RAC2: variants seen among roughly 807,000 people sequenced by gnomAD.
The protein encoded by RAC2 is Rac family small GTPase 2, also known as ras-related C3 botulinum toxin substrate 2.
A neutral mutation model predicts 24.0 loss-of-function variants in RAC2; 1 was observed. That is an observed-to-expected ratio of 0.04 (90% CI 0.01 to 0.20). RAC2 has a LOEUF of 0.20. Among genes scored for constraint, RAC2 ranks in the 10% least tolerant of loss-of-function variants. The pLI is 1.00. For missense variants in RAC2, 130 were observed against 259.1 expected (o/e 0.50, Z 3.42); for synonymous variants, 114 against 106.8 (o/e 1.07, Z -0.41).
intron 1 of RAC2, among the ~76,000 whole-genome samples, chr22:37,243,173 A>AT (rs1231838193): frequency 1.3e-5 from 2 of 152,034 alleles, no homozygotes; most frequent in Non-Finnish European, 2.9e-5. Context: ...GCTTAAAAAA[A>AT]TTTTTTTATA....
chr22:37,240,425 T>TAATAGCCATCTCCC (rs1927352978), intron 2 of RAC2, among the ~76,000 whole-genome samples: 1 of 152,240 alleles, frequency 6.6e-6, no homozygotes, highest in Admixed American at 6.5e-5. Context: ...CTGTGCATGC[T>TAATAGCCATCTCCC]AATAGCCATC....
chr22:37,231,465 AG>A lies in RAC2; in HGVS notation c.289-76del, dbSNP rs761139540. 12 of 1,435,242 alleles carry A rather than the reference AG, an allele frequency of 8.4e-6. No individual in the cohort carries two copies. The highest frequency in any genetic ancestry group is 1.2e-5 in the Non-Finnish European group (12 of 1,026,840). 88.9% of individuals were successfully genotyped at this position (1,435,242 alleles called of 1,614,324 possible). A position where few individuals can be genotyped will look rare whatever the true frequency, so the allele number is the denominator to read the frequency against. ...GCGAGGCTGTGCGGGGATCAGAGGGAGTGTGAGGGTGTAGGGAGAGGAGAGG... is the reference window on the plus strand; with the variant it reads ...GCGAGGCTGTGCGGGGATCAGAGGGATGTGAGGGTGTAGGGAGAGGAGAGG... On this transcript the variant is annotated intron_variant, in intron 4 of 6. Transcript: ENST00000249071. This position sits in a 1 kb window ranked among gnomAD's most constrained non-coding sequence, Gnocchi z 5.5.
intron 5 of RAC2, among the ~76,000 whole-genome samples, chr22:37,227,799 TA>T (rs748346151): frequency 6.6e-6 from 1 of 151,764 alleles, no homozygotes; most frequent in Admixed American, 6.5e-5. Context: ...GCAAGGAGTT[TA>T]ACGTCACCGT....
At chr22:37,233,108 A>T (rs1482145611) in intron 2 of RAC2, among the ~76,000 whole-genome samples, 190 bp from the exon 3 acceptor site, 1 of 152,206 alleles carries the variant, frequency 6.6e-6, no homozygotes, top group Non-Finnish European at 1.5e-5. Context: ...TTTTTTAAAA[A>T]TGTAATACAA....
chr22:37,237,600 G>A (rs146048269), intron 2 of RAC2, among the ~76,000 whole-genome samples: 36 of 152,226 alleles, frequency 2.4e-4, no homozygotes, highest in South Asian at 1.0e-3. Context: ...GGCTGGATTC[G>A]CCAGTTTACC....
intron 2 of RAC2, among the ~76,000 whole-genome samples, chr22:37,235,041 A>C (rs1184114893): frequency 6.6e-6 from 1 of 152,104 alleles, no homozygotes; most frequent in Non-Finnish European, 1.5e-5. Flanking sequence ...ATGCCTGCTT[A>C]TTCTCCACAG....
chr22:37,243,412 G>A (rs1283107591), intron 1 of RAC2, among the ~76,000 whole-genome samples: 3 of 151,916 alleles, frequency 2.0e-5, no homozygotes, highest in Non-Finnish European at 4.4e-5. Flanking sequence ...CCCCTCCCCT[G>A]CCGACCCCAC....
Position 37,231,977 on chromosome 22 carries a change from G to A in RAC2, c.243C>T (p.Cys81=), listed in dbSNP as rs1380331398. 12 of 1,551,650 alleles carry A rather than the reference G, an allele frequency of 7.7e-6. No homozygotes were observed. The highest frequency in any genetic ancestry group is 2.0e-5 in the Admixed American group (1 of 51,048). Residue 81 remains cysteine, a synonymous_variant, in exon 4 of 7, where the codon TGC becomes TGT. Transcript: ENST00000249071. This position sits in a 1 kb window ranked among gnomAD's most constrained non-coding sequence, Gnocchi z 5.5. ...SYPQTDVFLI[C]FSLVSPASYE... ...AAGAGGCTGGGCTGACGAGGGAGAA[G>A]CAGATGAGGAAGACGTCCTGGGGAC...
At chr22:37,227,032 T>C (rs370715463) in intron 5 of RAC2, among the ~76,000 whole-genome samples, 131 of 1,712 alleles carry the variant, frequency 0.077, 10 homozygotes, top group African/African-American at 0.13. Context: ...CGCCATACAC[T>C]CCTCCCACGC....
chr22:37,233,396 C>T (rs1025470583), intron 2 of RAC2, among the ~76,000 whole-genome samples: 3 of 152,208 alleles, frequency 2.0e-5, no homozygotes, highest in Non-Finnish European at 2.9e-5. Flanking sequence ...GATTCTCCTG[C>T]CTCGGCCTCC....
chr22:37,241,654 C>T lies in RAC2; in HGVS notation c.40G>A (p.Val14Met), dbSNP rs1461567991. 7.4e-6 allele frequency: 12 copies of T among 1,613,814 alleles called. No homozygotes were observed. The highest frequency in any genetic ancestry group is 3.3e-5 in the Admixed American group (2 of 60,008). Reference protein sequence around the residue: ...IKCVVVGDGAVGKTCLLISYT... With the variant: ...IKCVVVGDGAMGKTCLLISYT... ...CTGATGAGAAGGCAGGTCTTGCCCA[C>T]GGCCCTGAAAGACAGGAAGTGCAAG... Residue 14 changes from valine (V) to methionine (M), a missense_variant, in exon 2 of 7, where the codon GTG (valine) becomes ATG (methionine). Coordinates refer to ENST00000249071, the MANE Select transcript of RAC2 (RefSeq NM_002872.5).
In RAC2 at chr22:37,229,555, A is replaced by T. The variant is rs1042320802; in HGVS notation, c.448+1676T>A. ...TCAGCTGGGCTCAGGGCTGCCCCCA[A>T]AACTTGTCATCCCAGGGCTGGGGAG... On this transcript the variant is annotated intron_variant, in intron 5 of 6. Coordinates refer to ENST00000249071, the MANE Select transcript of RAC2 (RefSeq NM_002872.5). Among the ~76,000 whole-genome samples, 9 of 152,312 alleles carry T rather than the reference A, an allele frequency of 5.9e-5. No individual in the cohort carries two copies. The South Asian group carries it at 1.2e-3, about 21-fold the overall frequency.
intron 1 of RAC2, among the ~76,000 whole-genome samples, chr22:37,242,673 G>A (rs1019658357): frequency 6.6e-6 from 1 of 152,214 alleles, no homozygotes; most frequent in African/African-American, 2.4e-5. Flanking sequence ...ACTTCCGCCC[G>A]CCCCTCCTCC....
At chr22:37,238,106 G>A (rs1017685008) in intron 2 of RAC2, among the ~76,000 whole-genome samples, 2 of 152,052 alleles carry the variant, frequency 1.3e-5, no homozygotes, top group African/African-American at 4.8e-5. Context: ...TAAGGGGTGT[G>A]GTAAATGAGG....
At chr22:37,235,059 C>T (rs1270941663) in intron 2 of RAC2, among the ~76,000 whole-genome samples, 2 of 152,126 alleles carry the variant, frequency 1.3e-5, no homozygotes, top group Non-Finnish European at 2.9e-5. Context: ...CAGTCTCAGG[C>T]CTGTCACCCA....
In RAC2 at chr22:37,226,702, GC is replaced by G; in HGVS notation, c.549del (p.Gln184SerfsTer22). The G allele has an allele frequency of 6.2e-7, 1 of 1,613,070 alleles. No homozygotes were observed. Among genetic ancestry groups the G allele is most frequent in the Non-Finnish European group, 8.5e-7 (1 of 1,179,540 alleles). Reference sequence around the variant, plus strand: ...AGGAGGCTGCAGGCGCGCTTCTGCTGCCGCGTGGGCTGAGGGCACAGCACGG... The same window carrying G: ...AGGAGGCTGCAGGCGCGCTTCTGCTGCGCGTGGGCTGAGGGCACAGCACGG... ...IRAVLCPQPT[R>X]QQKRACSLL On this transcript the variant is annotated frameshift_variant, in exon 6 of 7. Coordinates refer to ENST00000249071, the MANE Select transcript of RAC2 (RefSeq NM_002872.5). LOFTEE classifies it high-confidence loss of function.
chr22:37,238,583 G>A (rs1277352545), intron 2 of RAC2, among the ~76,000 whole-genome samples: 1 of 152,186 alleles, frequency 6.6e-6, no homozygotes, highest in Non-Finnish European at 1.5e-5. Flanking sequence ...CGTCGAGCTT[G>A]GTTCTAACGA....
At chr22:37,242,789 C>T (rs1392838339) in intron 1 of RAC2, among the ~76,000 whole-genome samples, 2 of 152,256 alleles carry the variant, frequency 1.3e-5, no homozygotes, top group African/African-American at 2.4e-5. Flanking sequence ...CCCGCCCCCA[C>T]CTAGATGGGT....
At chr22:37,235,099 C>T (rs189552987) in intron 2 of RAC2, among the ~76,000 whole-genome samples, 1 of 152,286 alleles carries the variant, frequency 6.6e-6, no homozygotes, top group Non-Finnish European at 1.5e-5. Context: ...AATTAAACCA[C>T]CTCCTCCAGG....
Sources: allele counts gnomAD v4.1 joint callset (sites outside exome capture counted in the v4.1 genomes callset), GRCh38; gene constraint gnomAD v4.1.1; non-coding constraint Gnocchi (gnomAD v3.1); transcripts MANE v1.5; gene names NCBI Gene and HGNC (gene_info 2026-07-23, HGNC 2026-07-21).